Variants in PKP4 observed in about 807,000 individuals in gnomAD.
PKP4 encodes the protein plakophilin 4.
Under a neutral mutation model 145.1 loss-of-function variants are expected in PKP4, and 90 were observed. The observed-to-expected ratio is 0.62, with a 90% CI of 0.52 to 0.74. The LOEUF is 0.74. Ranked by LOEUF, PKP4 falls within the 30% of genes least tolerant of loss-of-function variation. The pLI is 0.00. For synonymous variants in PKP4, 563 were observed against 577.2 expected (o/e 0.98, Z 0.35); for missense variants, 1,340 against 1,482.7 (o/e 0.90, Z 1.58).
At chr2:158,503,371 A>T (rs1696867158) in intron 1 of PKP4, among the ~76,000 whole-genome samples, 1 of 152,208 alleles carries the variant, frequency 6.6e-6, no homozygotes. Context: ...TAAGATTAAA[A>T]AATATTTTGA....
intron 1 of PKP4, among the ~76,000 whole-genome samples, chr2:158,513,452 C>T (rs1002781090): frequency 1.3e-5 from 2 of 152,088 alleles, no homozygotes; most frequent in East Asian, 1.9e-4. Context: ...TCCTAGGATT[C>T]GATTTAATGA....
chr2:158,526,739 T>C (rs1365906108), intron 1 of PKP4, among the ~76,000 whole-genome samples: 1 of 81,252 alleles, frequency 1.2e-5, no homozygotes, highest in East Asian at 3.8e-4. Context: ...GAAAACCCCA[T>C]TGTCTCAGCC....
intron 21 of PKP4, 128 bp downstream of exon 21, chr2:158,678,782 A>G: frequency 1.4e-6 from 1 of 713,300 alleles, no homozygotes. Flanking sequence ...GGGGATCTTC[A>G]CTCCTTGGAA....
chr2:158,521,389 T>G (rs1171848767), intron 1 of PKP4, among the ~76,000 whole-genome samples: 1 of 152,212 alleles, frequency 6.6e-6, no homozygotes, highest in Non-Finnish European at 1.5e-5. Context: ...TTAATTTTTT[T>G]TACCAGATTA....
chr2:158,516,651 T>C (rs2041962846), intron 1 of PKP4, among the ~76,000 whole-genome samples: 1 of 151,022 alleles, frequency 6.6e-6, no homozygotes, highest in Admixed American at 6.6e-5. Context: ...CTGGATTATA[T>C]ACTTTTCTTT....
At chr2:158,472,758 C>G (rs1324356535) in intron 1 of PKP4, among the ~76,000 whole-genome samples, 2 of 151,638 alleles carry the variant, frequency 1.3e-5, no homozygotes, top group African/African-American at 4.9e-5. Flanking sequence ...TGTGAAGAAG[C>G]CAGTCATCTA....
intron 6 of PKP4, among the ~76,000 whole-genome samples, chr2:158,624,670 C>T (rs1268882353): frequency 6.2e-5 from 9 of 144,734 alleles, no homozygotes; most frequent in African/African-American, 2.1e-4. Context: ...TTGGTTTAAA[C>T]CACCAAAAAA....
At chr2:158,663,584 T>G in intron 15 of PKP4, 139 bp downstream of exon 15, 1 of 687,824 alleles carries the variant, frequency 1.5e-6, no homozygotes, top group Non-Finnish European at 2.5e-6. Flanking sequence ...TGTGAAGGGG[T>G]TAAAGGGAAA....
Position 158,676,840 on chromosome 2 carries a change from G to T in PKP4, c.3229G>T (p.Asp1077Tyr). 6.2e-7 allele frequency: 1 copy of T among 1,614,080 alleles called. No individual in the cohort carries two copies. The highest frequency in any genetic ancestry group is 8.5e-7 in the Non-Finnish European group (1 of 1,180,036). ...TATGCAGTATTACAATAGCCAAGGG[G>T]ATGCCACACATAAAGGCCTGTACCC... ...PPMQYYNSQG[D>Y]ATHKGLYPGS... The change falls in exon 20 of 22, where the codon GAT (aspartate) becomes TAT (tyrosine). Residue 1077 changes from aspartate to tyrosine, a missense_variant. Asp to Tyr is a radical substitution (Grantham distance 160). Transcript: ENST00000389759.
At chr2:158,511,158 G>A (rs909737422) in intron 1 of PKP4, among the ~76,000 whole-genome samples, 3 of 152,138 alleles carry the variant, frequency 2.0e-5, no homozygotes, top group East Asian at 1.9e-4. Flanking sequence ...AGACCAAGGC[G>A]AGCGGATCAC....
chr2:158,677,593 G>A lies in PKP4; in HGVS notation c.3256+726G>A, dbSNP rs1339579127. On this transcript the variant is annotated intron_variant, in intron 20 of 21. Coordinates refer to ENST00000389759, the MANE Select transcript of PKP4 (RefSeq NM_003628.6). ...CAAAAAGTACTCTTTTCTCAAACCTGTCTATTAAAAATAAATAAAAGCTGG... is the reference window on the plus strand; with the variant it reads ...CAAAAAGTACTCTTTTCTCAAACCTATCTATTAAAAATAAATAAAAGCTGG... 2.0e-5 allele frequency among the ~76,000 whole-genome samples: 3 copies of A among 152,270 alleles called. No individual in the cohort carries two copies. In the East Asian group the frequency reaches 5.8e-4, roughly 29 times the overall value.
At chr2:158,587,924 CTT>C (rs535109799) in intron 3 of PKP4, among the ~76,000 whole-genome samples, 7 of 143,588 alleles carry the variant, frequency 4.9e-5, no homozygotes, top group Admixed American at 1.4e-4. Flanking sequence ...TTTTGTGTTG[CTT>C]TTTTTTTTTA....
chr2:158,509,802 C>T (rs867471550), intron 1 of PKP4, among the ~76,000 whole-genome samples: 1 of 152,046 alleles, frequency 6.6e-6, no homozygotes, highest in South Asian at 2.1e-4. Flanking sequence ...ACAAAATTAG[C>T]CAGGCGTGGT....
chr2:158,525,997 T>G (rs1040709152), intron 1 of PKP4, among the ~76,000 whole-genome samples: 141 of 151,042 alleles, frequency 9.3e-4, no homozygotes, highest in African/African-American at 3.3e-3. Context: ...AATCAATAGT[T>G]TACCAACCAA....
rs1048651326 is a variant in PKP4 at position 158,533,194 on chromosome 2, C to T, written c.10C>T (p.Pro4Ser). Residue 4 changes from proline (P) to serine (S), a missense_variant, in exon 2 of 22, where the codon CCT becomes TCT. Physicochemically the swap from Pro to Ser is moderately conservative, Grantham distance 74 (BLOSUM62 -1). Transcript: ENST00000389759. Reference protein sequence around the residue: MPAPEQASLVEEGQ... With the variant: MPASEQASLVEEGQ... The stretch of plus-strand genomic sequence containing the variant: ...CTTGATTGCAGGAGGAATGCCAGCT[C>T]CTGAGCAGGCCTCATTGGTGGAGGA... 6.2e-7 allele frequency: 1 copy of T among 1,612,266 alleles called. No homozygotes were observed. The highest frequency in any genetic ancestry group is 8.5e-7 in the Non-Finnish European group (1 of 1,179,526).
At chr2:158,515,735 A>G (rs1000771413) in intron 1 of PKP4, among the ~76,000 whole-genome samples, 1 of 152,166 alleles carries the variant, frequency 6.6e-6, no homozygotes, top group Non-Finnish European at 1.5e-5. Flanking sequence ...TCAGAATGTT[A>G]ATAGATGATC....
chr2:158,625,509 G>C (rs2052686965), intron 7 of PKP4, 82 bp downstream of exon 7: 2 of 1,165,110 alleles, frequency 1.7e-6, no homozygotes, highest in Non-Finnish European at 2.4e-6. Context: ...GAATGAAAAG[G>C]TGGAAAAGGC....
intron 3 of PKP4, among the ~76,000 whole-genome samples, chr2:158,596,974 T>C (rs1363270779): frequency 6.6e-6 from 1 of 152,194 alleles, no homozygotes. Context: ...CTTCTTTTCA[T>C]AGATGAGTAT....
At chr2:158,480,708 C>A (rs1693222935) in intron 1 of PKP4, among the ~76,000 whole-genome samples, 1 of 152,172 alleles carries the variant, frequency 6.6e-6, no homozygotes, top group East Asian at 1.9e-4. Context: ...GTGCATATTA[C>A]AATTGAGATG....
Sources: allele counts gnomAD v4.1 joint callset (sites outside exome capture counted in the v4.1 genomes callset), GRCh38; gene constraint gnomAD v4.1.1; transcripts MANE v1.5; gene names NCBI Gene and HGNC (gene_info 2026-07-23, HGNC 2026-07-21).